SIK3: variants seen among roughly 807,000 people sequenced by gnomAD.
The protein encoded by SIK3 is SIK family kinase 3.
SIK3 carries 28 observed loss-of-function variants against 144.2 expected under a neutral mutation model. The ratio of observed to expected loss-of-function variants is 0.19; its 90% CI spans 0.14 to 0.27. The LOEUF (loss-of-function observed/expected upper bound fraction) is 0.27, where lower values mean the gene tolerates loss of function less well. SIK3 is among the 10% of genes least tolerant of loss of function. The pLI is 1.00. For missense variants in SIK3, 1,319 were observed against 1,776.0 expected, an observed-to-expected ratio of 0.74 and a Z score of 4.62; for synonymous variants, 686 against 676.3, an observed-to-expected ratio of 1.01 and a Z score of -0.22.
chr11:116,874,635 T>C (rs17120115), intron 11 of SIK3, among the ~76,000 whole-genome samples: 4,911 of 152,300 alleles, frequency 0.032, 237 homozygotes, highest in African/African-American at 0.11. Context: ...TATTTGATCA[T>C]AGGCTGAGAA....
intron 14 of SIK3, 107 bp from the exon 15 acceptor site, chr11:116,868,196 G>A: frequency 7.2e-7 from 1 of 1,379,730 alleles, no homozygotes; most frequent in South Asian, 1.3e-5. Context: ...TAGTGCCAGA[G>A]CTCACGAAGG....
chr11:116,871,575 A>T (rs747428303), intron 13 of SIK3, among the ~76,000 whole-genome samples: 5 of 152,226 alleles, frequency 3.3e-5, no homozygotes, highest in African/African-American at 7.2e-5. Context: ...CTGCAGTGTG[A>T]AAAGGGCTGG....
At chr11:117,062,899 A>T (rs1164056238) in intron 1 of SIK3, among the ~76,000 whole-genome samples, 1 of 152,256 alleles carries the variant, frequency 6.6e-6, no homozygotes, top group Non-Finnish European at 1.5e-5. Context: ...TACATCAGAC[A>T]GCATGGAAAA....
chr11:116,993,075 CAG>C (rs1565535354), intron 1 of SIK3, among the ~76,000 whole-genome samples: 1 of 152,062 alleles, frequency 6.6e-6, no homozygotes, highest in African/African-American at 2.4e-5. Flanking sequence ...TTTTAATAAA[CAG>C]AGTCTCACTA....
chr11:117,001,792 C>G (rs1484044985), intron 1 of SIK3, among the ~76,000 whole-genome samples: 2 of 152,208 alleles, frequency 1.3e-5, no homozygotes, highest in African/African-American at 4.8e-5. Context: ...TTACAATAGT[C>G]TTCTAACAAT....
chr11:117,032,011 CT>C (rs975254017), intron 1 of SIK3, among the ~76,000 whole-genome samples: 30 of 152,200 alleles, frequency 2.0e-4, no homozygotes, highest in African/African-American at 7.2e-4. Flanking sequence ...GTTATTCCTG[CT>C]TTTCTATTCT....
In SIK3 at chr11:116,858,084, C is replaced by T. The variant is rs376573885; in HGVS notation, c.3381G>A (p.Pro1127=). 1.6e-5 allele frequency: 26 copies of T among 1,613,676 alleles called. No homozygotes were observed. In the African/African-American group the frequency reaches 3.1e-4, roughly 19 times the overall value. Residue 1127 remains proline, a synonymous_variant, in exon 21 of 25, where the codon CCG becomes CCA. Coordinates refer to ENST00000445177, the MANE Select transcript of SIK3 (RefSeq NM_001366686.3). The surrounding 1 kb of genome is among the most constrained non-coding windows in gnomAD (Gnocchi z 5.4). ...ECVSQASSPT[P]PHGYAHQPAL... is the part of the protein sequence containing the mutation. ...CCGGCTGGTGAGCATACCCGTGGGGCGGGGTGGGTGAGGAAGCCTGTGAGA... is the reference window on the plus strand; with the variant it reads ...CCGGCTGGTGAGCATACCCGTGGGGTGGGGTGGGTGAGGAAGCCTGTGAGA...
intron 1 of SIK3, among the ~76,000 whole-genome samples, chr11:117,003,114 T>C (rs1366229831): frequency 2.6e-5 from 4 of 152,210 alleles, no homozygotes; most frequent in East Asian, 1.9e-4. Flanking sequence ...ACAGTGTGCC[T>C]ACCACAGTAA....
intron 4 of SIK3, among the ~76,000 whole-genome samples, chr11:116,904,509 G>A (rs1401258840): frequency 6.6e-6 from 1 of 151,152 alleles, no homozygotes; most frequent in Non-Finnish European, 1.5e-5. Flanking sequence ...AATTTTATTA[G>A]ACTTCAGATA....
chr11:117,035,397 C>T (rs767599581), intron 1 of SIK3, among the ~76,000 whole-genome samples: 1 of 152,104 alleles, frequency 6.6e-6, no homozygotes, highest in Non-Finnish European at 1.5e-5. Context: ...TTCATTAATT[C>T]TATTAAATCT....
chr11:116,927,445 T>A, intron 3 of SIK3, 65 bp from the exon 4 acceptor site: 1 of 1,532,734 alleles, frequency 6.5e-7, no homozygotes, highest in Non-Finnish European at 8.9e-7. Context: ...AAAGGTAGAC[T>A]TAAGGAGGGC....
chr11:116,861,651 C>G (rs1038244957), intron 18 of SIK3, among the ~76,000 whole-genome samples, 190 bp downstream of exon 18: 2 of 152,120 alleles, frequency 1.3e-5, no homozygotes, highest in African/African-American at 4.8e-5. Context: ...GCTCATGGGG[C>G]TAAGGAAATG....
intron 1 of SIK3, among the ~76,000 whole-genome samples, chr11:117,041,287 T>C (rs559962619): frequency 2.6e-5 from 4 of 152,232 alleles, no homozygotes; most frequent in South Asian, 4.1e-4. Flanking sequence ...TCACAGGTAA[T>C]GCATTTATAT....
intron 1 of SIK3, among the ~76,000 whole-genome samples, chr11:117,044,932 T>C (rs1952893527): frequency 6.6e-6 from 1 of 152,148 alleles, no homozygotes; most frequent in South Asian, 2.1e-4. Context: ...CTAAGGCTAA[T>C]AAATAATTGG....
At chr11:116,966,217 C>T (rs1028025279) in intron 1 of SIK3, among the ~76,000 whole-genome samples, 7 of 151,914 alleles carry the variant, frequency 4.6e-5, no homozygotes, top group Non-Finnish European at 7.4e-5. Flanking sequence ...CACAGCAAGA[C>T]CCCCAACTCT....
rs1239105197 is a variant in SIK3 at position 116,876,291 on chromosome 11, T to C, written c.1057A>G (p.Met353Val). Reference protein sequence around the residue: ...DPLNEDVLLAMEDMGLDKEQT... With the variant: ...DPLNEDVLLAVEDMGLDKEQT... Reference sequence around the variant, plus strand: ...TCTTTGTCCAGTCCCATGTCCTCCATGGCCAAGAGGACATCCTCATTCAGG... The same window carrying C: ...TCTTTGTCCAGTCCCATGTCCTCCACGGCCAAGAGGACATCCTCATTCAGG... The change falls in exon 8 of 25, where the codon ATG becomes GTG. Residue 353 changes from methionine (M) to valine (V), a missense_variant. Met to Val is a conservative substitution (Grantham distance 21). Around this residue, in one of 8 missense-constraint regions of SIK3, gnomAD observed 109 missense variants for 109.3 expected, o/e 1.00. Transcript: ENST00000445177. 3.1e-6 allele frequency: 5 copies of C among 1,614,112 alleles called. No homozygotes were observed. Among genetic ancestry groups the C allele is most frequent in the Non-Finnish European group, 4.2e-6 (5 of 1,180,018 alleles).
chr11:116,983,120 G>A lies in SIK3; in HGVS notation c.274-26056C>T, dbSNP rs527266033. ...CAGGCACCTGTAGTCCCAGCTACTC[G>A]GGAGGCTGAGGCAGGAGAATGGCAT... On this transcript the variant is annotated intron_variant, in intron 1 of 24. Coordinates refer to ENST00000445177, the MANE Select transcript of SIK3 (RefSeq NM_001366686.3). Among the ~76,000 whole-genome samples the A allele has an allele frequency of 1.2e-4, 18 of 151,606 alleles. No homozygotes were observed. In the South Asian group the frequency reaches 3.3e-3, roughly 28 times the overall value.
At chr11:116,877,822 T>C (rs1193530984) in intron 6 of SIK3, among the ~76,000 whole-genome samples, 4 of 152,326 alleles carry the variant, frequency 2.6e-5, no homozygotes, top group Non-Finnish European at 4.4e-5. Flanking sequence ...AGAGTAATAG[T>C]TGTGATGAAG....
chr11:117,059,972 C>G (rs1158999236), intron 1 of SIK3, among the ~76,000 whole-genome samples: 1 of 152,222 alleles, frequency 6.6e-6, no homozygotes, highest in African/African-American at 2.4e-5. Context: ...CATTCTCTTA[C>G]TATATGATCA....
Sources: gnomAD v4.1 joint callset for allele counts (sites outside exome capture counted in the v4.1 genomes callset) on GRCh38, gnomAD v4.1.1 for gene constraint, gnomAD v4.1.1 regional missense constraint, Gnocchi (gnomAD v3.1) non-coding constraint, MANE v1.5 for transcripts, NCBI Gene and HGNC (gene_info 2026-07-23, HGNC 2026-07-21) for gene names.